The following SPPL3 variants were observed in gnomAD, a reference collection of about 807,000 sequenced individuals.
The protein encoded by SPPL3 is signal peptide peptidase like 3, also known as signal peptide peptidase-like 3.
A neutral mutation model predicts 42.4 loss-of-function variants in SPPL3; 5 were observed. That is an observed-to-expected ratio of 0.12 (90% CI 0.06 to 0.25). The LOEUF (loss-of-function observed/expected upper bound fraction) is 0.25, where lower values mean the gene tolerates loss of function less well. Ranked by LOEUF, SPPL3 falls within the 10% of genes least tolerant of loss-of-function variation. The pLI, the probability that SPPL3 is intolerant of heterozygous loss-of-function variation, is 1.00. For missense variants in SPPL3, 235 were observed against 489.0 expected (o/e 0.48, Z 4.90); for synonymous variants, 195 against 181.8 (o/e 1.07, Z -0.58).
intron 1 of SPPL3, among the ~76,000 whole-genome samples, chr12:120,821,573 A>G (rs1383539935): frequency 6.6e-6 from 1 of 152,270 alleles, no homozygotes; most frequent in Non-Finnish European, 1.5e-5. Context: ...GTATCTTTGT[A>G]TCATGATCCA....
At chr12:120,845,208 G>T in intron 1 of SPPL3, 1 of 449,034 alleles carries the variant, frequency 2.2e-6, no homozygotes, top group Non-Finnish European at 4.5e-6. Flanking sequence ...AGTTCATGTG[G>T]CAAAGGGAGT....
chr12:120,770,313 C>T (rs970402296), intron 6 of SPPL3, among the ~76,000 whole-genome samples: 45 of 152,322 alleles, frequency 3.0e-4, no homozygotes, highest in African/African-American at 1.0e-3. Flanking sequence ...AGGTGTGAGC[C>T]ACCATGCCCA....
At chr12:120,827,363 TATA>T (rs1293037168) in intron 1 of SPPL3, among the ~76,000 whole-genome samples, 13 of 147,264 alleles carry the variant, frequency 8.8e-5, no homozygotes, top group African/African-American at 1.2e-4. Flanking sequence ...AATATAATAA[TATA>T]ATAATAATAA....
Position 120,881,413 on chromosome 12 carries a change from A to G in SPPL3, c.23+22432T>C, listed in dbSNP as rs943059543. On this transcript the variant is annotated intron_variant, in intron 1 of 10. Transcript: ENST00000353487. ...GAACCAGGAGGCAGAGGTTGCAGTG[A>G]GCCAAGACAGCGCCACAGAACTCCA... Among the ~76,000 whole-genome samples, 3 of 141,802 alleles carry G rather than the reference A, an allele frequency of 2.1e-5. No homozygotes were observed. In the Admixed American group the frequency reaches 2.3e-4, roughly 11 times the overall value. The allele number at this position is 141,802 out of a possible 152,430, so 93.0% of individuals were successfully genotyped here.
intron 1 of SPPL3, among the ~76,000 whole-genome samples, chr12:120,827,295 C>G (rs1033028047): frequency 4.7e-5 from 7 of 148,704 alleles, no homozygotes; most frequent in African/African-American, 1.7e-4. Flanking sequence ...CCTATGAGAC[C>G]AAGAAATATA....
intron 5 of SPPL3, 82 bp from the exon 6 acceptor site, chr12:120,782,849 G>T: frequency 1.0e-6 from 1 of 1,001,408 alleles, no homozygotes; most frequent in Non-Finnish European, 1.5e-6. Context: ...CGTGATGGCT[G>T]GATTAGAATA....
intron 1 of SPPL3, among the ~76,000 whole-genome samples, chr12:120,839,772 AAC>A (rs1871745021): frequency 1.3e-5 from 2 of 152,172 alleles, no homozygotes; most frequent in Admixed American, 1.3e-4. Context: ...CAAATTGTTA[AAC>A]ACAGAGTTAC....
intron 1 of SPPL3, among the ~76,000 whole-genome samples, chr12:120,885,741 AGCAT>A (rs1873432266): frequency 6.6e-6 from 1 of 152,154 alleles, no homozygotes; most frequent in Non-Finnish European, 1.5e-5. Flanking sequence ...CTAGGTAAAC[AGCAT>A]AAATGAGTGA....
chr12:120,892,982 G>A (rs11065316), intron 1 of SPPL3, among the ~76,000 whole-genome samples: 1 of 75,788 alleles, frequency 1.3e-5, no homozygotes, highest in East Asian at 3.0e-4. Flanking sequence ...ACTCTGTCTC[G>A]GGAAAAAAAA....
intron 6 of SPPL3, among the ~76,000 whole-genome samples, chr12:120,773,043 C>A (rs1869179779): frequency 6.6e-6 from 1 of 152,076 alleles, no homozygotes; most frequent in African/African-American, 2.4e-5. Context: ...TGAAATGAAC[C>A]TAATGAAATG....
intron 2 of SPPL3, among the ~76,000 whole-genome samples, chr12:120,810,333 C>T (rs1469741572): frequency 1.3e-5 from 2 of 151,956 alleles, no homozygotes; most frequent in Non-Finnish European, 2.9e-5. Flanking sequence ...TTTGGTTTCC[C>T]TGGTCTTCGT....
chr12:120,893,205 C>A (rs1873699030), intron 1 of SPPL3, among the ~76,000 whole-genome samples: 2 of 151,714 alleles, frequency 1.3e-5, no homozygotes, highest in Non-Finnish European at 2.9e-5. Context: ...AATCCCAGCA[C>A]TTTGGGAGGC....
intron 1 of SPPL3, among the ~76,000 whole-genome samples, chr12:120,853,923 A>G (rs958748853): frequency 6.6e-6 from 1 of 151,528 alleles, no homozygotes; most frequent in African/African-American, 2.4e-5. Flanking sequence ...AAACAACAAC[A>G]AAACCCAAAC....
intron 1 of SPPL3, among the ~76,000 whole-genome samples, chr12:120,855,693 T>TTA (rs1872430032): frequency 8.4e-6 from 1 of 119,202 alleles, no homozygotes; most frequent in African/African-American, 4.3e-5. Flanking sequence ...AGACTCCATC[T>TTA]CAAAAAAAAA....
intron 1 of SPPL3, among the ~76,000 whole-genome samples, chr12:120,857,351 C>T (rs952647912): frequency 2.1e-4 from 32 of 152,280 alleles, no homozygotes; most frequent in African/African-American, 7.5e-4. Flanking sequence ...TGTGGAGAAA[C>T]AGGAATGCTT....
intron 1 of SPPL3, among the ~76,000 whole-genome samples, chr12:120,843,983 T>C (rs186637934): frequency 2.7e-5 from 4 of 149,152 alleles, no homozygotes; most frequent in East Asian, 3.9e-4. Context: ...TAACATAACA[T>C]AAAACAAAAC....
intron 4 of SPPL3, 74 bp from the exon 5 acceptor site, chr12:120,783,826 G>A: frequency 1.4e-5 from 18 of 1,245,882 alleles, no homozygotes; most frequent in Non-Finnish European, 2.0e-5. Flanking sequence ...ACTTCATTCC[G>A]CCAAACACTA....
intron 1 of SPPL3, among the ~76,000 whole-genome samples, chr12:120,877,601 C>T (rs1028079239): frequency 6.6e-6 from 1 of 151,800 alleles, no homozygotes; most frequent in African/African-American, 2.4e-5. Context: ...GCCAACATGA[C>T]GAGACCCTGT....
chr12:120,810,491 T>C (rs1382044353), intron 2 of SPPL3, among the ~76,000 whole-genome samples: 1 of 152,226 alleles, frequency 6.6e-6, no homozygotes. Flanking sequence ...TTGTTCCCTT[T>C]GAGACTCTAG....
Sources: allele counts gnomAD v4.1 joint callset (sites outside exome capture counted in the v4.1 genomes callset), GRCh38; gene constraint gnomAD v4.1.1; transcripts MANE v1.5; gene names NCBI Gene and HGNC (gene_info 2026-07-23, HGNC 2026-07-21).